The following RDH10 variants were observed in gnomAD, a reference collection of about 807,000 sequenced individuals.
The protein encoded by RDH10 is retinol dehydrogenase 10, also known as retinol dehydrogenase 10 (all-trans).
RDH10 carries 12 observed loss-of-function variants against 30.2 expected under a neutral mutation model. The observed-to-expected ratio is 0.40, with a 90% CI of 0.25 to 0.64. The LOEUF (loss-of-function observed/expected upper bound fraction) is 0.64, where lower values mean the gene tolerates loss of function less well. Among genes scored for constraint, RDH10 ranks in the 30% least tolerant of loss-of-function variants. The pLI is 0.43. For synonymous variants in RDH10, 189 were observed against 172.2 expected (o/e 1.10, Z -0.76); for missense variants, 268 against 445.2 (o/e 0.60, Z 3.58).
chr8:73,305,326 C>G (rs1472459735), intron 2 of RDH10, among the ~76,000 whole-genome samples: 1 of 152,164 alleles, frequency 6.6e-6, no homozygotes, highest in East Asian at 1.9e-4. Flanking sequence ...TAACCCATGA[C>G]AATCTGAGAA....
At chr8:73,318,427 G>A (rs905068011) in intron 2 of RDH10, among the ~76,000 whole-genome samples, 4 of 152,202 alleles carry the variant, frequency 2.6e-5, no homozygotes, top group African/African-American at 9.7e-5. Flanking sequence ...CAGAGTCCCT[G>A]CGGTGAAACC....
At chr8:73,318,352 C>G (rs146370621) in intron 2 of RDH10, among the ~76,000 whole-genome samples, 1 of 152,086 alleles carries the variant, frequency 6.6e-6, no homozygotes, top group Non-Finnish European at 1.5e-5. Flanking sequence ...GCCTCTGGGT[C>G]CCCCAGCCTG....
chr8:73,298,232 A>G (rs1814311071), intron 2 of RDH10, among the ~76,000 whole-genome samples: 1 of 152,182 alleles, frequency 6.6e-6, no homozygotes, highest in Non-Finnish European at 1.5e-5. Context: ...TTTTCCTCAC[A>G]GTATTTTCCC....
At chr8:73,313,721 TGCTGAA>T in intron 2 of RDH10, among the ~76,000 whole-genome samples, 1 of 152,348 alleles carries the variant, frequency 6.6e-6, no homozygotes, top group East Asian at 1.9e-4. Context: ...CATATTTTCC[TGCTGAA>T]GAACTTGATG....
chr8:73,313,851 G>C (rs139876420), intron 2 of RDH10, among the ~76,000 whole-genome samples: 1 of 152,228 alleles, frequency 6.6e-6, no homozygotes, highest in East Asian at 1.9e-4. Context: ...GCTCACTCTG[G>C]AGACTGAGCA....
chr8:73,301,310 A>G (rs1563547316), intron 2 of RDH10, among the ~76,000 whole-genome samples: 1 of 150,692 alleles, frequency 6.6e-6, no homozygotes, highest in South Asian at 2.1e-4. Context: ...TCGGCCTCCC[A>G]AAGTGCTGGG....
At chr8:73,321,629 CAT>C (rs1418955820) in intron 4 of RDH10, 1 of 356,780 alleles carries the variant, frequency 2.8e-6, no homozygotes, top group African/African-American at 2.1e-5. Context: ...TACCCACACA[CAT>C]AGAAAGGAGG....
At chr8:73,303,235 G>A (rs1325574356) in intron 2 of RDH10, among the ~76,000 whole-genome samples, 1 of 152,190 alleles carries the variant, frequency 6.6e-6, no homozygotes, top group Middle Eastern at 3.2e-3. Flanking sequence ...CATTAGTGCT[G>A]CAGTTGTACC....
intron 2 of RDH10, 24 bp downstream of exon 2, chr8:73,297,453 C>G (rs761506498): frequency 3.3e-6 from 5 of 1,510,072 alleles, no homozygotes; most frequent in Middle Eastern, 1.7e-4. Flanking sequence ...TCCTTGTTTT[C>G]TTTGCTGGGC....
chr8:73,297,410 A>G lies in RDH10; in HGVS notation c.506A>G (p.Asn169Ser). ...CTCATTGAGAGAACCATGATGGTCA[A>G]TTGCCATGCACACTTCTGGGTAAAT... ...DELIERTMMVNCHAHFWTTKA... is the reference protein window; with the variant it reads ...DELIERTMMVSCHAHFWTTKA... Residue 169 changes from asparagine (N) to serine (S), a missense_variant, in exon 2 of 6, where the codon AAT (asparagine) becomes AGT (serine). This residue lies in a region of RDH10 where 136 missense variants were observed against 288.8 expected (regional missense o/e 0.47). Coordinates refer to ENST00000240285, the MANE Select transcript of RDH10 (RefSeq NM_172037.5). The G allele has an allele frequency of 1.2e-6, 2 of 1,609,604 alleles. No individual in the cohort carries two copies. The highest frequency in any genetic ancestry group is 1.7e-6 in the Non-Finnish European group (2 of 1,175,874).
chr8:73,322,166 A>G (rs1669195603), intron 4 of RDH10: 5 of 376,220 alleles, frequency 1.3e-5, no homozygotes, highest in African/African-American at 2.1e-5. Flanking sequence ...ATCAAACTGA[A>G]GGTAGGATGT....
At chr8:73,318,470 C>T (rs896336270) in intron 2 of RDH10, among the ~76,000 whole-genome samples, 8 of 152,230 alleles carry the variant, frequency 5.3e-5, no homozygotes, top group East Asian at 3.8e-4. Context: ...GAATGATACA[C>T]GTTCTTGTCA....
At chr8:73,307,173 T>C (rs1814478779) in intron 2 of RDH10, among the ~76,000 whole-genome samples, 1 of 152,176 alleles carries the variant, frequency 6.6e-6, no homozygotes, top group Admixed American at 6.5e-5. Context: ...AAAATGGGAC[T>C]GATAAAAGAA....
At chr8:73,309,610 C>CT (rs5892406) in intron 2 of RDH10, among the ~76,000 whole-genome samples, 1,597 of 120,530 alleles carry the variant, frequency 0.013, 26 homozygotes, top group African/African-American at 0.042. Flanking sequence ...AAGTTGTTGC[C>CT]TTTTTTTTTT....
At chr8:73,296,337 C>CAG (rs1439698897) in intron 1 of RDH10, among the ~76,000 whole-genome samples, 1 of 151,256 alleles carries the variant, frequency 6.6e-6, no homozygotes, top group Non-Finnish European at 1.5e-5. Context: ...CAAAATTTTT[C>CAG]ATTTTTAGGG....
chr8:73,321,875 A>G (rs775541703), intron 4 of RDH10: 3 of 456,172 alleles, frequency 6.6e-6, no homozygotes, highest in South Asian at 4.6e-5. Context: ...GAATCACTCC[A>G]AAGTCAGGCT....
At chr8:73,318,146 T>G (rs1814706271) in intron 2 of RDH10, among the ~76,000 whole-genome samples, 1 of 150,672 alleles carries the variant, frequency 6.6e-6, no homozygotes, top group South Asian at 2.1e-4. Flanking sequence ...GCTGCTTTCT[T>G]TTAAGAAGCA....
rs540771160 is a variant in RDH10, at chr8:73,310,743, T to C, written c.526-8353T>C. On this transcript the variant is annotated intron_variant, in intron 2 of 5. Transcript: ENST00000240285. ...GAGTTATTAAATAGGGGGAGGGGCC[T>C]GAGGCTGAAGGAGATCATCAAACAC... is the stretch of plus-strand genomic sequence containing the variant. 6.6e-5 allele frequency among the ~76,000 whole-genome samples: 10 copies of C among 152,256 alleles called. No homozygotes were observed. In the South Asian group the frequency reaches 2.1e-3, roughly 32 times the overall value.
chr8:73,314,447 G>T (rs565807351), intron 2 of RDH10, among the ~76,000 whole-genome samples: 23 of 152,358 alleles, frequency 1.5e-4, no homozygotes, highest in African/African-American at 5.0e-4. Context: ...TAAGGCAGGA[G>T]TTTGGAGTAA....
Sources: allele counts gnomAD v4.1 joint callset (sites outside exome capture counted in the v4.1 genomes callset), GRCh38; gene constraint gnomAD v4.1.1; regional missense constraint gnomAD v4.1.1; transcripts MANE v1.5; gene names NCBI Gene and HGNC (gene_info 2026-07-23, HGNC 2026-07-21).